ARHGAP18: variants seen among roughly 807,000 people sequenced by gnomAD.
The protein encoded by ARHGAP18 is Rho GTPase activating protein 18, also known as rho GTPase-activating protein 18.
ARHGAP18 carries 67 observed loss-of-function variants against 86.2 expected under a neutral mutation model. The ratio of observed to expected loss-of-function variants is 0.78; its 90% CI spans 0.64 to 0.95. The LOEUF is 0.95. ARHGAP18 is among the 40% of genes least tolerant of loss of function. ARHGAP18 has a pLI of 0.00. For synonymous variants in ARHGAP18, 283 were observed against 280.4 expected, an observed-to-expected ratio of 1.01 and a Z score of -0.09; for missense variants, 691 against 780.4, an observed-to-expected ratio of 0.89 and a Z score of 1.37.
At chr6:129,602,810 C>T (rs1021617573) in intron 10 of ARHGAP18, among the ~76,000 whole-genome samples, 1 of 151,898 alleles carries the variant, frequency 6.6e-6, no homozygotes, top group Non-Finnish European at 1.5e-5. Context: ...AAATTACAGA[C>T]ATTAGGTAAT....
rs1440954621 is a variant in ARHGAP18, at chr6:129,653,762, A to G, written c.114-11744T>C. ...AAATATAAAACAAGAACTAAAGACA[A>G]TTTCCACATGCAAAAAGCTACTTGT... is the stretch of plus-strand genomic sequence containing the variant. On this transcript the variant is annotated intron_variant, in intron 1 of 14. Transcript: ENST00000368149. 2.6e-5 allele frequency among the ~76,000 whole-genome samples: 4 copies of G among 152,054 alleles called. No individual in the cohort carries two copies. In the East Asian group the frequency reaches 7.7e-4, roughly 29 times the overall value.
At chr6:129,639,420 T>C (rs1289047281) in intron 2 of ARHGAP18, among the ~76,000 whole-genome samples, 1 of 152,226 alleles carries the variant, frequency 6.6e-6, no homozygotes, top group Non-Finnish European at 1.5e-5. Flanking sequence ...CCTGGATCTG[T>C]ACCCCATTTC....
At chr6:129,678,023 T>G (rs914455249) in intron 1 of ARHGAP18, among the ~76,000 whole-genome samples, 2 of 152,220 alleles carry the variant, frequency 1.3e-5, no homozygotes, top group African/African-American at 4.8e-5. Context: ...CATCCATATT[T>G]TCTTTATCAG....
At chr6:129,688,984 C>T (rs1774480729) in intron 1 of ARHGAP18, among the ~76,000 whole-genome samples, 1 of 152,086 alleles carries the variant, frequency 6.6e-6, no homozygotes, top group East Asian at 1.9e-4. Flanking sequence ...CTCAATGTCA[C>T]AGAGCCAACA....
intron 12 of ARHGAP18, among the ~76,000 whole-genome samples, chr6:129,588,670 A>G (rs998005858): frequency 6.6e-6 from 1 of 152,136 alleles, no homozygotes; most frequent in African/African-American, 2.4e-5. Context: ...TTATAGCTCC[A>G]CTAGGCAGTG....
At chr6:129,708,437 A>G (rs1774838978) in intron 1 of ARHGAP18, among the ~76,000 whole-genome samples, 1 of 152,272 alleles carries the variant, frequency 6.6e-6, no homozygotes, top group Admixed American at 6.5e-5. Context: ...AACCCACTCA[A>G]GTATGGGCCA....
chr6:129,647,638 T>G (rs1036702961), intron 1 of ARHGAP18, among the ~76,000 whole-genome samples: 1 of 152,006 alleles, frequency 6.6e-6, no homozygotes, highest in South Asian at 2.1e-4. Flanking sequence ...AGAATAAAAT[T>G]TATTTTTGTT....
intron 1 of ARHGAP18, among the ~76,000 whole-genome samples, chr6:129,684,324 A>G (rs570954777): frequency 6.6e-6 from 1 of 152,336 alleles, no homozygotes; most frequent in South Asian, 2.1e-4. Context: ...AGAGCAACAG[A>G]TTAACTACAC....
chr6:129,625,089 G>GATATATATTTATATATAAT (rs1185799367), intron 5 of ARHGAP18, among the ~76,000 whole-genome samples: 3,949 of 94,122 alleles, frequency 0.042, 670 homozygotes, highest in Non-Finnish European at 0.063. Flanking sequence ...TATGATATAT[G>GATATATATTTATATATAAT]ATATATGATA....
chr6:129,640,875 A>T (rs1330175345), intron 2 of ARHGAP18, among the ~76,000 whole-genome samples: 6 of 152,210 alleles, frequency 3.9e-5, no homozygotes, highest in African/African-American at 1.4e-4. Flanking sequence ...TACAACAGAC[A>T]AGAGAATTGG....
chr6:129,679,064 TG>T (rs1440186367), intron 1 of ARHGAP18, among the ~76,000 whole-genome samples: 15 of 152,238 alleles, frequency 9.9e-5, no homozygotes, highest in Admixed American at 9.8e-4. Flanking sequence ...TACATTATTC[TG>T]AATATCAATT....
intron 1 of ARHGAP18, among the ~76,000 whole-genome samples, chr6:129,655,317 CAAAAAAAAAAAA>C (rs55681217): frequency 1.3e-5 from 1 of 75,090 alleles, no homozygotes; most frequent in East Asian, 3.6e-4. Flanking sequence ...AAAACTCTCT[CAAAAAAAAAAAA>C]AAAAAAAAAA....
At chr6:129,628,812 C>A (rs901382721) in intron 5 of ARHGAP18, among the ~76,000 whole-genome samples, 8 of 152,008 alleles carry the variant, frequency 5.3e-5, no homozygotes, top group Non-Finnish European at 1.2e-4. Flanking sequence ...TGCTTGGAAC[C>A]CAAATGGGAG....
chr6:129,708,868 T>C (rs188942594), intron 1 of ARHGAP18, among the ~76,000 whole-genome samples: 42 of 152,302 alleles, frequency 2.8e-4, no homozygotes, highest in Middle Eastern at 3.4e-3. Flanking sequence ...GAAAATGAAA[T>C]GGTAACACAG....
chr6:129,583,935 G>A, intron 13 of ARHGAP18, 53 bp downstream of exon 13: 1 of 1,560,996 alleles, frequency 6.4e-7, no homozygotes, highest in East Asian at 2.3e-5. Context: ...AGGCGAGAGA[G>A]AGAGAGCAAG....
At chr6:129,696,585 T>C (rs1341234167) in intron 1 of ARHGAP18, among the ~76,000 whole-genome samples, 2 of 152,236 alleles carry the variant, frequency 1.3e-5, no homozygotes, top group East Asian at 1.9e-4. Flanking sequence ...ATTGTTGAGT[T>C]CTATTATATA....
chr6:129,606,934 C>T (rs1046378238), intron 9 of ARHGAP18, among the ~76,000 whole-genome samples: 2 of 151,514 alleles, frequency 1.3e-5, no homozygotes, highest in Non-Finnish European at 2.9e-5. Flanking sequence ...GATTTTGGCT[C>T]ACTGCAACCT....
rs1402063667 is a variant in ARHGAP18 at position 129,577,793 on chromosome 6, A to C, written c.*720T>G. 2 of 152,122 alleles carry C rather than the reference A, an allele frequency of 1.3e-5. No homozygotes were observed. The highest frequency in any genetic ancestry group is 2.9e-5 in the Non-Finnish European group (2 of 68,004). The allele number at this position is 152,122 out of a possible 1,614,324, so 9.4% of individuals were successfully genotyped here. A position where few individuals can be genotyped will look rare whatever the true frequency, so the allele number is the denominator to read the frequency against. ...TCCAATTATTATTTCACATGGGTAT[A>C]TTTTATTTATTCTTAGTATATAAGT... On this transcript the variant is annotated 3_prime_UTR_variant, in exon 15 of 15. Transcript: ENST00000368149.
rs572346643 is a variant in ARHGAP18 at position 129,654,753 on chromosome 6, C to G, written c.114-12735G>C. 2.6e-5 allele frequency among the ~76,000 whole-genome samples: 4 copies of G among 152,304 alleles called. No individual in the cohort carries two copies. The South Asian group carries it at 8.3e-4, about 32-fold the overall frequency. The stretch of plus-strand genomic sequence containing the variant: ...TCTGGTTCTCCTCTACTTTTCCCAT[C>G]GCTACACACCTGGATCCTCCTCTCT... On this transcript the variant is annotated intron_variant, in intron 1 of 14. Coordinates refer to ENST00000368149, the MANE Select transcript of ARHGAP18 (RefSeq NM_033515.3).
Sources: allele counts gnomAD v4.1 joint callset (sites outside exome capture counted in the v4.1 genomes callset), GRCh38; gene constraint gnomAD v4.1.1; transcripts MANE v1.5; gene names NCBI Gene and HGNC (gene_info 2026-07-23, HGNC 2026-07-21).